RSAD2: variants seen among roughly 807,000 people sequenced by gnomAD.
RSAD2 encodes the protein radical S-adenosyl methionine domain containing 2, also known as S-adenosylmethionine-dependent nucleotide dehydratase RSAD2.
A neutral mutation model predicts 37.7 loss-of-function variants in RSAD2; 38 were observed. The ratio of observed to expected loss-of-function variants is 1.01; its 90% CI spans 0.78 to 1.32. The LOEUF is 1.32. Among genes scored for constraint, RSAD2 ranks in the 40% most tolerant of loss-of-function variants. The probability of loss-of-function intolerance (pLI) is 0.00; values close to 1 mark genes in which losing one functional copy is unlikely to be tolerated. For missense variants in RSAD2, 428 were observed against 437.5 expected, an observed-to-expected ratio of 0.98 and a Z score of 0.19; for synonymous variants, 163 against 157.4, an observed-to-expected ratio of 1.04 and a Z score of -0.27.
At chr2:6,873,683 G>A (rs1663235852), upstream of RSAD2, among the ~76,000 whole-genome samples, 1 of 152,180 alleles carries the variant, frequency 6.6e-6, no homozygotes, top group South Asian at 2.1e-4. Flanking sequence ...AGTGACATAT[G>A]ATTCTGCTTA....
chr2:6,881,348 G>A (rs1035999200), intron 1 of RSAD2, among the ~76,000 whole-genome samples: 1 of 152,224 alleles, frequency 6.6e-6, no homozygotes, highest in African/African-American at 2.4e-5. Context: ...CTCACTCACA[G>A]ATACTGTTTC....
chr2:6,886,506 A>C (rs1456952234), intron 2 of RSAD2, among the ~76,000 whole-genome samples: 2 of 152,226 alleles, frequency 1.3e-5, no homozygotes, highest in Admixed American at 1.3e-4. Context: ...ACTTAGCAAA[A>C]ATACTAGGGA....
At chr2:6,891,531 GCT>G (rs1663628166) in intron 4 of RSAD2, among the ~76,000 whole-genome samples, 1 of 152,176 alleles carries the variant, frequency 6.6e-6, no homozygotes, top group African/African-American at 2.4e-5. Context: ...ACTTTGGGGG[GCT>G]GAGATGGGCG....
chr2:6,870,010 C>A (rs1212875243), intron 1 of RSAD2, among the ~76,000 whole-genome samples: 1 of 152,202 alleles, frequency 6.6e-6, no homozygotes, highest in Non-Finnish European at 1.5e-5. Context: ...AATCAGGATG[C>A]AGCCATGTCA....
intron 4 of RSAD2, among the ~76,000 whole-genome samples, chr2:6,892,663 T>C (rs1663656940): frequency 6.6e-6 from 1 of 152,230 alleles, no homozygotes; most frequent in Admixed American, 6.5e-5. Context: ...ACCTGGGATC[T>C]TGTGAAAGGG....
At chr2:6,895,282 G>A (rs72779794) in intron 5 of RSAD2, among the ~76,000 whole-genome samples, 69 of 152,260 alleles carry the variant, frequency 4.5e-4, no homozygotes, top group African/African-American at 1.6e-3. Context: ...TCCTCTCTCC[G>A]TTTCTCAAAA....
rs763552776 is a variant in RSAD2, at chr2:6,895,742, A to G, written c.922-36A>G. 155 of 1,584,030 alleles carry G rather than the reference A, an allele frequency of 9.8e-5. No homozygotes were observed. The Admixed American group carries it at 1.3e-3, about 14-fold the overall frequency. ...GATTGAGTTTTACAGGATTCATCAC[A>G]TGGAAATATACCAGTTTCTGTTATG... On this transcript the variant is annotated intron_variant, in intron 5 of 5. Transcript: ENST00000382040.
chr2:6,888,087 A>G (rs947419223), intron 3 of RSAD2, among the ~76,000 whole-genome samples: 1 of 152,260 alleles, frequency 6.6e-6, no homozygotes, highest in Admixed American at 6.5e-5. Flanking sequence ...AAAGACCTGA[A>G]GAAGAAAGGC....
chr2:6,895,572 T>A (rs1663757156), intron 5 of RSAD2, among the ~76,000 whole-genome samples: 1 of 152,266 alleles, frequency 6.6e-6, no homozygotes, highest in African/African-American at 2.4e-5. Context: ...AGGTGTCTAC[T>A]GTACTTAGCC....
chr2:6,866,336 G>T, intron 1 of RSAD2: 2 of 688,256 alleles, frequency 2.9e-6, no homozygotes, highest in Non-Finnish European at 3.6e-6. Context: ...TGCGGGAACA[G>T]GGCGCAGTTC....
intron 1 of RSAD2, among the ~76,000 whole-genome samples, chr2:6,880,408 G>A (rs2103240992): frequency 6.6e-6 from 1 of 152,278 alleles, no homozygotes; most frequent in Non-Finnish European, 1.5e-5. Context: ...TCTTTGTTGT[G>A]CTTATCTGGG....
At chr2:6,871,455 G>A (rs13408153) in intron 1 of RSAD2, among the ~76,000 whole-genome samples, 2,782 of 152,282 alleles carry the variant, frequency 0.018, 33 homozygotes, top group Non-Finnish European at 0.029. Context: ...TCCTCCTCTA[G>A]CACACGCAGA....
chr2:6,877,882 C>G lies in RSAD2; in HGVS notation c.82C>G (p.Leu28Val), dbSNP rs1400431759. 1 of 1,614,104 alleles carries G rather than the reference C, an allele frequency of 6.2e-7. No homozygotes were observed. ...RQPLSSLWRS[L>V]VPLFCWLRAT... Reference sequence around the variant, plus strand: ...ACCTCTGAGCTCTCTGTGGAGGAGCCTGGTCCCGCTGTTCTGCTGGCTGAG... The same window carrying G: ...ACCTCTGAGCTCTCTGTGGAGGAGCGTGGTCCCGCTGTTCTGCTGGCTGAG... Residue 28 changes from leucine (L) to valine (V), a missense_variant, in exon 1 of 6, where the codon CTG becomes GTG. By Grantham distance (32) the Leu-to-Val change is conservative. Coordinates refer to ENST00000382040, the MANE Select transcript of RSAD2 (RefSeq NM_080657.5).
chr2:6,875,263 G>A (rs1663262383), upstream of RSAD2, among the ~76,000 whole-genome samples: 1 of 152,256 alleles, frequency 6.6e-6, no homozygotes, highest in East Asian at 1.9e-4. Flanking sequence ...TACAATATCT[G>A]GATACAGTTA....
In RSAD2 at chr2:6,890,415, T is replaced by C. The variant is rs1663607056; in HGVS notation, c.888+90T>C. On this transcript the variant is annotated intron_variant, in intron 4 of 5. Coordinates refer to ENST00000382040, the MANE Select transcript of RSAD2 (RefSeq NM_080657.5). The stretch of plus-strand genomic sequence containing the variant: ...TCTCTCAGCCAAGGACCCCACACAT[T>C]GTTATTTTAGAGGGTTCGGTGGTGA... The C allele has an allele frequency of 2.9e-5, 41 of 1,401,990 alleles. No individual in the cohort carries two copies. In the South Asian group the frequency reaches 5.3e-4, roughly 18 times the overall value. The allele number at this position is 1,401,990 out of a possible 1,614,324, so 86.8% of individuals were successfully genotyped here. A position where few individuals can be genotyped will look rare whatever the true frequency, so the allele number is the denominator to read the frequency against.
At chr2:6,872,097 T>C (rs1347275100) in intron 1 of RSAD2, among the ~76,000 whole-genome samples, 1 of 152,136 alleles carries the variant, frequency 6.6e-6, no homozygotes, top group African/African-American at 2.4e-5. Flanking sequence ...TAACTTTCGG[T>C]AATGGTTATG....
At chr2:6,872,335 T>C (rs1008510952) in intron 1 of RSAD2, among the ~76,000 whole-genome samples, 1 of 152,212 alleles carries the variant, frequency 6.6e-6, no homozygotes, top group African/African-American at 2.4e-5. Flanking sequence ...AAAAATGAAC[T>C]TTTTCATATT....
chr2:6,870,514 A>C (rs929687468), intron 1 of RSAD2, among the ~76,000 whole-genome samples: 1 of 152,194 alleles, frequency 6.6e-6, no homozygotes, highest in African/African-American at 2.4e-5. Flanking sequence ...GCTTTGGATG[A>C]GGTCTCAGAG....
At chr2:6,894,881 G>A (rs982815877) in intron 5 of RSAD2, among the ~76,000 whole-genome samples, 3 of 152,210 alleles carry the variant, frequency 2.0e-5, no homozygotes, top group African/African-American at 7.2e-5. Flanking sequence ...AAGGTAGAGA[G>A]GAAAATTCAA....
Sources: allele counts gnomAD v4.1 joint callset (sites outside exome capture counted in the v4.1 genomes callset), GRCh38; gene constraint gnomAD v4.1.1; transcripts MANE v1.5; gene names NCBI Gene and HGNC (gene_info 2026-07-23, HGNC 2026-07-21).